Variants in ERBB4 observed in about 807,000 individuals in gnomAD.
ERBB4 encodes erb-b2 receptor tyrosine kinase 4.
ERBB4 carries 42 observed loss-of-function variants against 158.0 expected under a neutral mutation model. The observed-to-expected ratio is 0.27, with a 90% CI of 0.21 to 0.34. ERBB4 has a LOEUF of 0.34. Ranked by LOEUF, ERBB4 falls within the 10% of genes least tolerant of loss-of-function variation. The pLI is 1.00. For synonymous variants in ERBB4, 583 were observed against 558.7 expected (o/e 1.04, Z -0.61); for missense variants, 1,333 against 1,624.1 (o/e 0.82, Z 3.08).
chr2:211,571,774 C>A (rs1297962412), intron 19 of ERBB4, among the ~76,000 whole-genome samples: 1 of 152,118 alleles, frequency 6.6e-6, no homozygotes, highest in Non-Finnish European at 1.5e-5. Flanking sequence ...AATAAATGAA[C>A]AAAATCTGTA....
At chr2:211,889,242 C>G (rs1482581994) in intron 3 of ERBB4, among the ~76,000 whole-genome samples, 12 of 144,936 alleles carry the variant, frequency 8.3e-5, no homozygotes, top group Non-Finnish European at 1.8e-4. Flanking sequence ...TCCCTGACCC[C>G]TGACCCCCGA....
chr2:211,709,304 T>TATGA (rs1239546226), intron 9 of ERBB4, among the ~76,000 whole-genome samples: 3 of 140,382 alleles, frequency 2.1e-5, no homozygotes, highest in African/African-American at 8.4e-5. Flanking sequence ...TATATATATA[T>TATGA]GAGAGAGAGA....
chr2:211,439,092 G>T (rs1364851703), intron 20 of ERBB4, among the ~76,000 whole-genome samples: 3 of 151,918 alleles, frequency 2.0e-5, no homozygotes, highest in Non-Finnish European at 4.4e-5. Flanking sequence ...TTAGGACCTG[G>T]ACATTCAGCT....
In ERBB4 at chr2:212,054,674, A is replaced by G. The variant is rs530170498; in HGVS notation, c.234+70078T>C. ...TAGAGTGCCAAAAGCTATAGGAAGTAAGCTGCGTGGGGAGAGCAGAAAAGG... is the reference window on the plus strand; with the variant it reads ...TAGAGTGCCAAAAGCTATAGGAAGTGAGCTGCGTGGGGAGAGCAGAAAAGG... On this transcript the variant is annotated intron_variant, in intron 2 of 27. Transcript: ENST00000342788. 3.9e-5 allele frequency among the ~76,000 whole-genome samples: 6 copies of G among 152,286 alleles called. No homozygotes were observed. The South Asian group carries it at 1.0e-3, about 26-fold the overall frequency.
intron 20 of ERBB4, among the ~76,000 whole-genome samples, chr2:211,454,543 T>TTCTC (rs200602976): frequency 6.6e-6 from 1 of 151,440 alleles, no homozygotes; most frequent in African/African-American, 2.4e-5. Flanking sequence ...GCAAATGCAT[T>TTCTC]TCTCTCTCTC....
chr2:212,254,249 G>T (rs2084642692), intron 1 of ERBB4, among the ~76,000 whole-genome samples: 1 of 151,994 alleles, frequency 6.6e-6, no homozygotes, highest in South Asian at 2.1e-4. Flanking sequence ...AAACGTATTT[G>T]CTCATTATTT....
chr2:212,399,536 T>TTATATATA (rs1298944300), intron 1 of ERBB4, among the ~76,000 whole-genome samples: 2 of 20,794 alleles, frequency 9.6e-5, no homozygotes, highest in Non-Finnish European at 2.1e-4. Flanking sequence ...GATATATATT[T>TTATATATA]TATATATACA....
chr2:212,513,370 A>T (rs1691632655), intron 1 of ERBB4, among the ~76,000 whole-genome samples: 1 of 152,242 alleles, frequency 6.6e-6, no homozygotes, highest in African/African-American at 2.4e-5. Flanking sequence ...TTATAGAAAA[A>T]TACAGTAACA....
chr2:212,203,997 A>G (rs554849665), intron 1 of ERBB4, among the ~76,000 whole-genome samples: 1 of 152,314 alleles, frequency 6.6e-6, no homozygotes, highest in South Asian at 2.1e-4. Context: ...GATTTGTCAA[A>G]AGTTAGTCAA....
intron 1 of ERBB4, among the ~76,000 whole-genome samples, chr2:212,522,621 C>T (rs1692235598): frequency 6.6e-6 from 1 of 151,874 alleles, no homozygotes; most frequent in African/African-American, 2.4e-5. Flanking sequence ...GGACCACAGC[C>T]AGACAGAAGC....
chr2:211,843,718 G>T (rs560231454), intron 3 of ERBB4, among the ~76,000 whole-genome samples: 2 of 144,566 alleles, frequency 1.4e-5, no homozygotes, highest in Admixed American at 6.7e-5. Flanking sequence ...ATATTTTAAT[G>T]AGCTTTCATT....
intron 3 of ERBB4, among the ~76,000 whole-genome samples, chr2:211,792,941 A>AT (rs770770813): frequency 1.1e-4 from 16 of 151,878 alleles, no homozygotes; most frequent in Non-Finnish European, 1.8e-4. Flanking sequence ...AATCATTGAC[A>AT]TTTTGCAAAT....
chr2:212,129,223 C>G (rs1167502270), intron 1 of ERBB4, among the ~76,000 whole-genome samples: 2 of 151,394 alleles, frequency 1.3e-5, no homozygotes, highest in Non-Finnish European at 3.0e-5. Flanking sequence ...AAATAATACT[C>G]ATACTTTAAT....
chr2:211,495,849 C>T (rs538684071), intron 20 of ERBB4, among the ~76,000 whole-genome samples: 2 of 152,016 alleles, frequency 1.3e-5, no homozygotes, highest in East Asian at 3.9e-4. Flanking sequence ...TAAATGTATA[C>T]AATTACAAAT....
intron 2 of ERBB4, among the ~76,000 whole-genome samples, chr2:212,041,815 A>G (rs1014469002): frequency 2.0e-5 from 3 of 152,074 alleles, no homozygotes; most frequent in African/African-American, 7.2e-5. Context: ...GTTGAACAAT[A>G]CGTTAATTAC....
At chr2:211,972,271 A>AAAAC (rs1181551118) in intron 2 of ERBB4, among the ~76,000 whole-genome samples, 2 of 152,226 alleles carry the variant, frequency 1.3e-5, no homozygotes, top group African/African-American at 4.8e-5. Flanking sequence ...AACAAATAGA[A>AAAAC]AAACATTCCA....
At chr2:211,770,637 C>T (rs1470963219) in intron 4 of ERBB4, among the ~76,000 whole-genome samples, 1 of 152,126 alleles carries the variant, frequency 6.6e-6, no homozygotes, top group African/African-American at 2.4e-5. Flanking sequence ...CTCAGATAGA[C>T]AATTTGAATT....
intron 1 of ERBB4, among the ~76,000 whole-genome samples, chr2:212,241,924 A>T (rs1451611546): frequency 6.6e-6 from 1 of 152,058 alleles, no homozygotes; most frequent in African/African-American, 2.4e-5. Context: ...TAAAGGCTAA[A>T]CATTTATCAA....
At chr2:211,974,253 A>T (rs2125211473) in intron 2 of ERBB4, among the ~76,000 whole-genome samples, 1 of 152,306 alleles carries the variant, frequency 6.6e-6, no homozygotes, top group East Asian at 1.9e-4. Flanking sequence ...AAATCATAAA[A>T]TTTGAGCTTT....
Sources: gnomAD v4.1 joint callset for allele counts (sites outside exome capture counted in the v4.1 genomes callset) on GRCh38, gnomAD v4.1.1 for gene constraint, MANE v1.5 for transcripts, NCBI Gene and HGNC (gene_info 2026-07-23, HGNC 2026-07-21) for gene names.